The following NSUN6 variants were observed in gnomAD, a reference collection of about 807,000 sequenced individuals.
NSUN6 encodes the protein tRNA (cytosine(72)-C(5))-methyltransferase NSUN6.
Under a neutral mutation model 58.0 loss-of-function variants are expected in NSUN6, and 64 were observed. That is an observed-to-expected ratio of 1.10 (90% CI 0.90 to 1.36). The LOEUF (loss-of-function observed/expected upper bound fraction) is 1.36. NSUN6 is among the 40% of genes most tolerant of loss of function. The pLI is 0.00. For synonymous variants in NSUN6, 231 were observed against 193.9 expected, an observed-to-expected ratio of 1.19 and a Z score of -1.59; for missense variants, 701 against 550.1, an observed-to-expected ratio of 1.27 and a Z score of -2.74.
intron 7 of NSUN6, among the ~76,000 whole-genome samples, chr10:18,591,420 CAA>C (rs1564770018): frequency 6.6e-6 from 1 of 152,060 alleles, no homozygotes; most frequent in Non-Finnish European, 1.5e-5. Flanking sequence ...CACAACAAAA[CAA>C]GAGAATTTCA....
chr10:18,569,363 C>T (rs1652427399), intron 8 of NSUN6, among the ~76,000 whole-genome samples: 1 of 150,570 alleles, frequency 6.6e-6, no homozygotes. Flanking sequence ...CCATTGCATT[C>T]TCCATTCCAT....
intron 6 of NSUN6, among the ~76,000 whole-genome samples, chr10:18,600,959 T>TATATATATACATATATATATATATATAC: frequency 1.5e-5 from 1 of 64,926 alleles, no homozygotes; most frequent in East Asian, 8.7e-4. Context: ...TATATATATA[T>TATATATATACATATATATATATATATAC]ACATATATAT....
intron 8 of NSUN6, among the ~76,000 whole-genome samples, chr10:18,577,949 A>G (rs555733930): frequency 1.3e-5 from 2 of 152,214 alleles, no homozygotes; most frequent in Non-Finnish European, 2.9e-5. Context: ...CGCGTAAGGG[A>G]TAAGAACCCC....
intron 7 of NSUN6, among the ~76,000 whole-genome samples, chr10:18,591,836 C>G (rs1436731734): frequency 2.0e-5 from 3 of 152,112 alleles, no homozygotes; most frequent in Non-Finnish European, 2.9e-5. Context: ...CTCACCACTC[C>G]TATTCAACAT....
intron 8 of NSUN6, among the ~76,000 whole-genome samples, chr10:18,574,841 T>G (rs923609457): frequency 6.6e-6 from 1 of 152,136 alleles, no homozygotes; most frequent in Non-Finnish European, 1.5e-5. Flanking sequence ...TAATCTTCAG[T>G]TGCCAGAGGA....
chr10:18,600,941 A>AAAATATATATATATATAT (rs1487679670), intron 6 of NSUN6, among the ~76,000 whole-genome samples: 1 of 43,532 alleles, frequency 2.3e-5, no homozygotes, highest in African/African-American at 8.0e-5. Context: ...AAAAAAAAAA[A>AAAATATATATATATATAT]ATATATATAT....
At chr10:18,585,390 A>G (rs1334207475) in intron 8 of NSUN6, among the ~76,000 whole-genome samples, 1 of 152,248 alleles carries the variant, frequency 6.6e-6, no homozygotes, top group Non-Finnish European at 1.5e-5. Context: ...TATTCCCAAC[A>G]GTCAAGATAT....
intron 7 of NSUN6, among the ~76,000 whole-genome samples, chr10:18,591,375 G>T (rs763136595): frequency 2.4e-4 from 36 of 151,994 alleles, no homozygotes; most frequent in Non-Finnish European, 4.0e-4. Flanking sequence ...ATTTTATGAG[G>T]CCAGCATCAT....
upstream of NSUN6, chr10:18,651,718 T>A: frequency 1.0e-6 from 1 of 985,670 alleles, no homozygotes; most frequent in African/African-American, 1.7e-5. Flanking sequence ...CAACACTGCG[T>A]TACGCTACGC....
chr10:18,627,908 A>C (rs915861926), intron 3 of NSUN6, among the ~76,000 whole-genome samples: 2 of 152,238 alleles, frequency 1.3e-5, no homozygotes, highest in African/African-American at 4.8e-5. Context: ...AGCCCACCAC[A>C]GCTCAAGGAG....
chr10:18,584,495 T>C (rs2057040719), intron 8 of NSUN6, among the ~76,000 whole-genome samples: 1 of 152,118 alleles, frequency 6.6e-6, no homozygotes, highest in Admixed American at 6.6e-5. Context: ...GTCAGAGAGA[T>C]ACAAAAATGA....
At chr10:18,581,460 C>A (rs965037076) in intron 8 of NSUN6, among the ~76,000 whole-genome samples, 1 of 152,122 alleles carries the variant, frequency 6.6e-6, no homozygotes, top group Non-Finnish European at 1.5e-5. Context: ...GGAAATTAAC[C>A]TATAAGGTCT....
intron 8 of NSUN6, among the ~76,000 whole-genome samples, chr10:18,574,048 A>G (rs2131006560): frequency 6.6e-6 from 1 of 152,214 alleles, no homozygotes; most frequent in East Asian, 1.9e-4. Flanking sequence ...TACTCTCCCC[A>G]GAAAAGCCAT....
chr10:18,567,451 C>T (rs1459687678), intron 8 of NSUN6, among the ~76,000 whole-genome samples: 1 of 149,768 alleles, frequency 6.7e-6, no homozygotes, highest in Non-Finnish European at 1.5e-5. Context: ...CCATTCCATG[C>T]TCCATTCCAT....
chr10:18,616,800 T>C (rs2058425807), intron 3 of NSUN6, among the ~76,000 whole-genome samples: 1 of 152,144 alleles, frequency 6.6e-6, no homozygotes, highest in Non-Finnish European at 1.5e-5. Flanking sequence ...CACTAAAATC[T>C]GTATTACTTC....
chr10:18,584,541 C>T (rs1176479648), intron 8 of NSUN6, among the ~76,000 whole-genome samples: 1 of 151,970 alleles, frequency 6.6e-6, no homozygotes, highest in Non-Finnish European at 1.5e-5. Context: ...AAACTTGTGA[C>T]ATTATTAAGA....
intron 8 of NSUN6, among the ~76,000 whole-genome samples, chr10:18,571,156 C>T (rs1449734909): frequency 1.3e-5 from 2 of 150,512 alleles, no homozygotes; most frequent in East Asian, 4.0e-4. Context: ...TATTCTATTC[C>T]ATTCTTCACT....
At chr10:18,603,473 C>CTTT (rs1245707205) in intron 6 of NSUN6, among the ~76,000 whole-genome samples, 1 of 147,508 alleles carries the variant, frequency 6.8e-6, no homozygotes, top group African/African-American at 2.5e-5. Context: ...CTTTTCTTTT[C>CTTT]TTTTCTTTTT....
At chr10:18,619,649 G>A (rs369856155) in intron 3 of NSUN6, among the ~76,000 whole-genome samples, 2 of 152,140 alleles carry the variant, frequency 1.3e-5, no homozygotes, top group Non-Finnish European at 2.9e-5. Flanking sequence ...ACTCCTCGGT[G>A]TATGTAGCAA....
Sources: gnomAD v4.1 joint callset for allele counts (sites outside exome capture counted in the v4.1 genomes callset) on GRCh38, gnomAD v4.1.1 for gene constraint, MANE v1.5 for transcripts, NCBI Gene and HGNC (gene_info 2026-07-23, HGNC 2026-07-21) for gene names.